The following MAP9 variants were observed in gnomAD, a reference collection of about 807,000 sequenced individuals.
MAP9 encodes microtubule-associated protein 9.
MAP9 carries 80 observed loss-of-function variants against 75.2 expected under a neutral mutation model. The ratio of observed to expected loss-of-function variants is 1.06; its 90% confidence interval spans 0.89 to 1.28. The LOEUF is 1.28. Among genes scored for constraint, MAP9 ranks in the 50% most tolerant of loss-of-function variants. The pLI is 0.00. For missense variants in MAP9, 753 were observed against 719.9 expected (o/e 1.05, Z -0.53); for synonymous variants, 235 against 237.3 (o/e 0.99, Z 0.09).
chr4:155,371,716 GTTTT>G (rs1233164858), intron 4 of MAP9, among the ~76,000 whole-genome samples: 3 of 139,578 alleles, frequency 2.1e-5, no homozygotes, highest in African/African-American at 7.9e-5. Flanking sequence ...CCCACCACAG[GTTTT>G]TTTTTTTTTT....
At chr4:155,364,479 T>C (rs1329461209) in intron 5 of MAP9, among the ~76,000 whole-genome samples, 1 of 148,166 alleles carries the variant, frequency 6.7e-6, no homozygotes, top group Non-Finnish European at 1.5e-5. Flanking sequence ...CTATATAATA[T>C]ATAAGAATAG....
In MAP9 at chr4:155,373,353, T is replaced by C. The variant is rs765279609; in HGVS notation, c.264A>G (p.Lys88=). 2 of 1,612,802 alleles carry C rather than the reference T, an allele frequency of 1.2e-6. No individual in the cohort carries two copies. Among genetic ancestry groups the C allele is most frequent in the South Asian group, 1.1e-5 (1 of 90,778 alleles). The change falls in exon 4 of 14, where the codon AAA becomes AAG. Residue 88 remains lysine (K), a synonymous_variant. Coordinates refer to ENST00000311277, the MANE Select transcript of MAP9 (RefSeq NM_001039580.2). Reference sequence around the variant, plus strand: ...ATTTATTGGTTTTCAAAAACAATAGTTTTGAAGGATTCTTTTCTTCATCAT... The same window carrying C: ...ATTTATTGGTTTTCAAAAACAATAGCTTTGAAGGATTCTTTTCTTCATCAT... ...ISDDEEKNPS[K]LLFLKTNKSN...
Position 155,345,086 on chromosome 4 carries a change from G to A in MAP9, c.*2697C>T, listed in dbSNP as rs534109225. 6.6e-6 allele frequency: 1 copy of A among 151,954 alleles called. No homozygotes were observed. Among genetic ancestry groups the A allele is most frequent in the South Asian group, 2.1e-4 (1 of 4,812 alleles). 9.4% of individuals were successfully genotyped at this position (151,954 alleles called of 1,614,324 possible). A position where few individuals can be genotyped will look rare whatever the true frequency, so the allele number is the denominator to read the frequency against. On this transcript the variant is annotated 3_prime_UTR_variant, in exon 14 of 14. Transcript: ENST00000311277. ...TGACATACTTCCTAAGGAAATATGG[G>A]AAAATCATACCTTTTAAATAGGTAA...
intron 3 of MAP9, among the ~76,000 whole-genome samples, chr4:155,373,974 T>C (rs1183803843): frequency 1.3e-5 from 2 of 152,208 alleles, no homozygotes; most frequent in South Asian, 2.1e-4. Flanking sequence ...AAGTTAACTA[T>C]ACAGCAGTGA....
Position 155,360,357 on chromosome 4 carries a change from C to T in MAP9, c.861G>A (p.Glu287=), listed in dbSNP as rs1252379276. 3 of 1,611,770 alleles carry T rather than the reference C, an allele frequency of 1.9e-6. No homozygotes were observed. In the South Asian group the frequency reaches 3.3e-5, roughly 18 times the overall value. Residue 287 remains glutamate (E), a synonymous_variant, in exon 7 of 14, where the codon GAG becomes GAA. Transcript: ENST00000311277. ...HNSLKSDENK[E]NSFSADHVTT... is the part of the protein sequence containing the mutation. ...TCACATGGTCTGCTGAAAATGAATT[C>T]TCTTTATTTTCATCTGATTTCAAGG...
chr4:155,362,173 A>C, intron 5 of MAP9, 32 bp from the exon 6 acceptor site: 1 of 1,234,006 alleles, frequency 8.1e-7, no homozygotes, highest in Non-Finnish European at 1.1e-6. Flanking sequence ...CATTTGCCAC[A>C]TAAGTTTAAT....
chr4:155,347,740 T>C lies in MAP9; in HGVS notation c.*43A>G. 1.3e-6 allele frequency: 2 copies of C among 1,548,996 alleles called. No homozygotes were observed. The highest frequency in any genetic ancestry group is 1.2e-5 in the South Asian group (1 of 80,130). On this transcript the variant is annotated 3_prime_UTR_variant, in exon 14 of 14. Coordinates refer to ENST00000311277, the MANE Select transcript of MAP9 (RefSeq NM_001039580.2). Reference sequence around the variant, plus strand: ...ATGGTTTTAAATCTATGGCTAATATTGGCAAACCGATAAATAACCAAATAA... The same window carrying C: ...ATGGTTTTAAATCTATGGCTAATATCGGCAAACCGATAAATAACCAAATAA...
intron 4 of MAP9, among the ~76,000 whole-genome samples, chr4:155,369,065 G>A (rs1732468176): frequency 6.6e-6 from 1 of 152,148 alleles, no homozygotes; most frequent in Non-Finnish European, 1.5e-5. Context: ...ACTCACGCCT[G>A]TAATCCCAGC....
chr4:155,357,804 T>C (rs115338015), intron 7 of MAP9, among the ~76,000 whole-genome samples: 1,703 of 152,096 alleles, frequency 0.011, 25 homozygotes, highest in African/African-American at 0.039. Context: ...TTTAAAGAAG[T>C]TGGTCAGGGA....
chr4:155,347,510 T>A lies in MAP9; in HGVS notation c.*273A>T, dbSNP rs1731326361. 1 of 282,794 alleles carries A rather than the reference T, an allele frequency of 3.5e-6. No homozygotes were observed. Among genetic ancestry groups the A allele is most frequent in the Non-Finnish European group, 6.5e-6 (1 of 154,414 alleles). 17.5% of individuals were successfully genotyped at this position (282,794 alleles called of 1,614,324 possible). A position where few individuals can be genotyped will look rare whatever the true frequency, so the allele number is the denominator to read the frequency against. On this transcript the variant is annotated 3_prime_UTR_variant, in exon 14 of 14. Coordinates refer to ENST00000311277, the MANE Select transcript of MAP9 (RefSeq NM_001039580.2). ...CTTAATGAAAAAGATCATGAATCACTCCACCATAAGAATTATCAGGACATG... is the reference window on the plus strand; with the variant it reads ...CTTAATGAAAAAGATCATGAATCACACCACCATAAGAATTATCAGGACATG...
chr4:155,364,862 A>C (rs1322176294), intron 5 of MAP9, among the ~76,000 whole-genome samples: 1 of 151,706 alleles, frequency 6.6e-6, no homozygotes, highest in African/African-American at 2.4e-5. Flanking sequence ...CAACTCTGAG[A>C]AATACAATGC....
chr4:155,374,959 A>C lies in MAP9; in HGVS notation c.138T>G (p.Asp46Glu). The C allele has an allele frequency of 1.9e-6, 3 of 1,591,122 alleles. No homozygotes were observed. Among genetic ancestry groups the C allele is most frequent in the Non-Finnish European group, 2.6e-6 (3 of 1,162,414 alleles). ...TACCAATCTCATCACTGTCAAAGTCATCTGAGTATTCAGAACTCCTTTGTC... is the reference window on the plus strand; with the variant it reads ...TACCAATCTCATCACTGTCAAAGTCCTCTGAGTATTCAGAACTCCTTTGTC... ...SARQRSSEYS[D>E]DFDSDEIVSL... The change falls in exon 3 of 14, where the codon GAT becomes GAG. Residue 46 changes from aspartate to glutamate, a missense_variant. Coordinates refer to ENST00000311277, the MANE Select transcript of MAP9 (RefSeq NM_001039580.2).
intron 6 of MAP9, among the ~76,000 whole-genome samples, chr4:155,361,750 C>A (rs1732090402): frequency 6.6e-6 from 1 of 151,984 alleles, no homozygotes; most frequent in African/African-American, 2.4e-5. Context: ...CAGTAGTTTA[C>A]CTTAAGTGCT....
At chr4:155,366,312 T>C (rs1732326157) in intron 5 of MAP9, among the ~76,000 whole-genome samples, 1 of 151,512 alleles carries the variant, frequency 6.6e-6, no homozygotes, top group Admixed American at 6.6e-5. Flanking sequence ...TGAGCTGGGA[T>C]TGCACCACTG....
At chr4:155,369,066 T>C (rs1035857676) in intron 4 of MAP9, among the ~76,000 whole-genome samples, 8 of 152,110 alleles carry the variant, frequency 5.3e-5, no homozygotes, top group Non-Finnish European at 1.2e-4. Flanking sequence ...CTCACGCCTG[T>C]AATCCCAGCA....
At chr4:155,353,137 CA>C in intron 11 of MAP9, 41 bp downstream of exon 11, 1 of 1,539,766 alleles carries the variant, frequency 6.5e-7, no homozygotes, top group Non-Finnish European at 8.7e-7. Context: ...ATTTGGATTT[CA>C]AATGTTTTAA....
At position 155,360,588 on chromosome 4, in the gene MAP9, C is replaced by CA. The variant is rs3839153; in HGVS notation, c.803-174dup. ...ATAAACTCTTTTCGAAAGTGATTTA[C>CA]AAAAAAAAATAGTCTAGGCTTAACT... On this transcript the variant is annotated intron_variant, in intron 6 of 13. Coordinates refer to ENST00000311277, the MANE Select transcript of MAP9 (RefSeq NM_001039580.2). The CA allele has an allele frequency of 8.8e-4, 494 of 562,192 alleles. 1 individual carries two copies. The highest frequency in any genetic ancestry group is 1.1e-3 in the South Asian group (42 of 37,778). The allele number at this position is 562,192 out of a possible 1,614,324, so 34.8% of individuals were successfully genotyped here. A position where few individuals can be genotyped will look rare whatever the true frequency, so the allele number is the denominator to read the frequency against.
At chr4:155,374,063 G>A (rs566912243) in intron 3 of MAP9, among the ~76,000 whole-genome samples, 6 of 152,046 alleles carry the variant, frequency 3.9e-5, no homozygotes, top group African/African-American at 1.2e-4. Context: ...ACACCAGGCC[G>A]GGTGCGGTGG....
At chr4:155,350,714 G>A (rs560695874) in intron 13 of MAP9, among the ~76,000 whole-genome samples, 9 of 151,708 alleles carry the variant, frequency 5.9e-5, no homozygotes, top group African/African-American at 1.7e-4. Flanking sequence ...TCTCTGCATC[G>A]AATTAGCATA....
Sources: allele counts gnomAD v4.1 joint callset (sites outside exome capture counted in the v4.1 genomes callset), GRCh38; gene constraint gnomAD v4.1.1; transcripts MANE v1.5; gene names NCBI Gene and HGNC (gene_info 2026-07-23, HGNC 2026-07-21).